Variants in MARCHF4 observed in about 807,000 individuals in gnomAD.
The protein encoded by MARCHF4 is E3 ubiquitin-protein ligase MARCHF4.
Under a neutral mutation model 43.9 loss-of-function variants are expected in MARCHF4, and 14 were observed. The observed-to-expected ratio is 0.32, with a 90% confidence interval of 0.21 to 0.50. The LOEUF is 0.50. Ranked by LOEUF, MARCHF4 falls within the 20% of genes least tolerant of loss-of-function variation. MARCHF4 has a pLI of 0.98. For synonymous variants in MARCHF4, 226 were observed against 213.3 expected (o/e 1.06, Z -0.52); for missense variants, 468 against 536.7 (o/e 0.87, Z 1.27).
At chr2:216,265,540 G>C (rs1486336949) in intron 3 of MARCHF4, 1 of 151,958 alleles carries the variant, frequency 6.6e-6, no homozygotes, top group Non-Finnish European at 1.5e-5. Context: ...CTGTTGCCCA[G>C]GCTGGAGTGC....
At chr2:216,362,360 T>C (rs1023617871) in intron 1 of MARCHF4, among the ~76,000 whole-genome samples, 4 of 152,232 alleles carry the variant, frequency 2.6e-5, no homozygotes, top group Admixed American at 1.3e-4. Flanking sequence ...GGAATGAACA[T>C]GTGCAAGTAG....
chr2:216,342,838 G>T (rs1692257179), intron 1 of MARCHF4, among the ~76,000 whole-genome samples: 2 of 152,174 alleles, frequency 1.3e-5, no homozygotes, highest in Non-Finnish European at 2.9e-5. Flanking sequence ...TTCCAGTCTA[G>T]TTCCTTCCCA....
chr2:216,316,224 T>C (rs576847979), intron 1 of MARCHF4, among the ~76,000 whole-genome samples: 3 of 152,312 alleles, frequency 2.0e-5, no homozygotes, highest in Non-Finnish European at 4.4e-5. Context: ...GGCTGTGAAA[T>C]GTCAGGCATG....
At position 216,273,365 on chromosome 2, in the gene MARCHF4, G is replaced by T. The variant is rs111536295; in HGVS notation, c.865+4307C>A. On this transcript the variant is annotated intron_variant, in intron 3 of 3. Transcript: ENST00000273067. Reference sequence around the variant, plus strand: ...GAGACTCATCGCAGCAGATGGTTTTGTTCCTCTTCTCTTACTCGGCTTTTT... The same window carrying T: ...GAGACTCATCGCAGCAGATGGTTTTTTTCCTCTTCTCTTACTCGGCTTTTT... Among the ~76,000 whole-genome samples the T allele has an allele frequency of 1.5e-3, 230 of 152,296 alleles. 1 individual carries two copies. Among genetic ancestry groups the T allele is most frequent in the African/African-American group, 5.3e-3 (219 of 41,570 alleles).
chr2:216,289,786 T>C (rs1002104314), intron 1 of MARCHF4, among the ~76,000 whole-genome samples: 3 of 152,174 alleles, frequency 2.0e-5, no homozygotes, highest in African/African-American at 7.2e-5. Flanking sequence ...TGCTGTAGTT[T>C]GGAAATCAGA....
chr2:216,260,511 G>T (rs1463909777), intron 3 of MARCHF4, among the ~76,000 whole-genome samples: 2 of 152,224 alleles, frequency 1.3e-5, no homozygotes, highest in South Asian at 4.1e-4. Flanking sequence ...GAACAGGAGA[G>T]ATCCATGCAA....
At chr2:216,296,892 C>A (rs1218261305) in intron 1 of MARCHF4, among the ~76,000 whole-genome samples, 1 of 152,150 alleles carries the variant, frequency 6.6e-6, no homozygotes, top group African/African-American at 2.4e-5. Flanking sequence ...AAGACCAAAC[C>A]CTACTCTGGG....
At chr2:216,304,528 A>T (rs778931073) in intron 1 of MARCHF4, among the ~76,000 whole-genome samples, 1 of 152,112 alleles carries the variant, frequency 6.6e-6, no homozygotes, top group Non-Finnish European at 1.5e-5. Context: ...AAGGTTGATC[A>T]CCTCTTCTCT....
intron 2 of MARCHF4, among the ~76,000 whole-genome samples, chr2:216,280,210 G>A (rs187600569): frequency 2.0e-4 from 30 of 152,110 alleles, no homozygotes; most frequent in Non-Finnish European, 8.8e-5. Flanking sequence ...CAGGAGGGCT[G>A]GGAGGGGGAG....
At chr2:216,292,198 A>G (rs780257902) in intron 1 of MARCHF4, among the ~76,000 whole-genome samples, 5 of 152,206 alleles carry the variant, frequency 3.3e-5, no homozygotes, top group Admixed American at 6.5e-5. Context: ...CTTCCCCTTC[A>G]CACTTTATTT....
chr2:216,368,047 C>A (rs960775325), intron 1 of MARCHF4, among the ~76,000 whole-genome samples: 4 of 152,182 alleles, frequency 2.6e-5, no homozygotes, highest in Non-Finnish European at 4.4e-5. Context: ...AATATTATCC[C>A]AGGGCACCTC....
chr2:216,355,807 A>C (rs1692493211), intron 1 of MARCHF4, among the ~76,000 whole-genome samples: 1 of 152,234 alleles, frequency 6.6e-6, no homozygotes, highest in African/African-American at 2.4e-5. Flanking sequence ...AAATGGGCCA[A>C]CCCCTGGAGT....
Position 216,317,452 on chromosome 2 carries a change from C to T in MARCHF4, c.517-33723G>A, listed in dbSNP as rs982448473. Among the ~76,000 whole-genome samples the T allele has an allele frequency of 2.0e-5, 3 of 152,050 alleles. No homozygotes were observed. In the South Asian group the frequency reaches 6.2e-4, roughly 32 times the overall value. ...TTTTAGAAACAGGGTCTCACTCTGT[C>T]GCCCAGGCTGGAGTGCAGTGGTGTG... On this transcript the variant is annotated intron_variant, in intron 1 of 3. Coordinates refer to ENST00000273067, the MANE Select transcript of MARCHF4 (RefSeq NM_020814.3).
intron 1 of MARCHF4, among the ~76,000 whole-genome samples, chr2:216,284,340 G>A (rs1368255267): frequency 6.6e-6 from 1 of 152,178 alleles, no homozygotes; most frequent in Non-Finnish European, 1.5e-5. Flanking sequence ...GAGAGGCAGA[G>A]GACTCAACTG....
At chr2:216,348,762 T>A (rs905793053) in intron 1 of MARCHF4, among the ~76,000 whole-genome samples, 1 of 152,290 alleles carries the variant, frequency 6.6e-6, no homozygotes, top group African/African-American at 2.4e-5. Context: ...AAGAACCCTC[T>A]TTTGGGGTCT....
At chr2:216,306,065 C>T (rs76308429) in intron 1 of MARCHF4, among the ~76,000 whole-genome samples, 10,287 of 151,896 alleles carry the variant, frequency 0.068, 1,147 homozygotes, top group African/African-American at 0.24. Context: ...ATTGTAGAGA[C>T]TGTCTGAGTT....
chr2:216,266,220 G>A (rs968156349), intron 3 of MARCHF4: 3 of 152,160 alleles, frequency 2.0e-5, no homozygotes, highest in African/African-American at 7.2e-5. Context: ...CTTTAGGTAA[G>A]GGACTTCCTC....
chr2:216,332,524 A>G (rs1398271723), intron 1 of MARCHF4, among the ~76,000 whole-genome samples: 1 of 152,126 alleles, frequency 6.6e-6, no homozygotes, highest in African/African-American at 2.4e-5. Context: ...CAGTGCAAAA[A>G]AAAAGGTCAA....
At chr2:216,262,454 G>A (rs560507012) in intron 3 of MARCHF4, among the ~76,000 whole-genome samples, 1 of 152,320 alleles carries the variant, frequency 6.6e-6, no homozygotes, top group African/African-American at 2.4e-5. Flanking sequence ...ATGGAGCCCA[G>A]GCTGGGGATG....
Sources: allele counts gnomAD v4.1 joint callset (sites outside exome capture counted in the v4.1 genomes callset), GRCh38; gene constraint gnomAD v4.1.1; transcripts MANE v1.5; gene names NCBI Gene and HGNC (gene_info 2026-07-23, HGNC 2026-07-21).